The following CKM variants were observed in gnomAD, a reference collection of about 807,000 sequenced individuals.
The protein encoded by CKM is creatine kinase M-type.
Under a neutral mutation model 35.4 loss-of-function variants are expected in CKM, and 28 were observed. The ratio of observed to expected loss-of-function variants is 0.79; its 90% CI spans 0.59 to 1.08. CKM has a LOEUF of 1.08. Ranked by LOEUF, CKM falls within the 50% of genes least tolerant of loss-of-function variation. CKM has a pLI of 0.00. For missense variants in CKM, 484 were observed against 509.8 expected, an observed-to-expected ratio of 0.95 and a Z score of 0.49; for synonymous variants, 215 against 204.4, an observed-to-expected ratio of 1.05 and a Z score of -0.44.
intron 5 of CKM, among the ~76,000 whole-genome samples, chr19:45,311,402 T>C (rs1242110282): frequency 6.6e-6 from 1 of 151,908 alleles, no homozygotes; most frequent in Non-Finnish European, 1.5e-5. Flanking sequence ...CCCAGCTAAA[T>C]TTTTGTCATT....
intron 4 of CKM, among the ~76,000 whole-genome samples, chr19:45,314,858 T>A (rs1345945221): frequency 6.6e-6 from 1 of 152,102 alleles, no homozygotes; most frequent in Non-Finnish European, 1.5e-5. Flanking sequence ...ATGACAGGTG[T>A]GTGCCACCAC....
chr19:45,307,255 A>G (rs932551347), intron 7 of CKM, among the ~76,000 whole-genome samples: 1 of 152,210 alleles, frequency 6.6e-6, no homozygotes, highest in African/African-American at 2.4e-5. Context: ...TGTGCAATGC[A>G]TATTATATAA....
At chr19:45,313,750 G>A (rs1011840997) in intron 4 of CKM, among the ~76,000 whole-genome samples, 2 of 152,208 alleles carry the variant, frequency 1.3e-5, no homozygotes, top group African/African-American at 4.8e-5. Context: ...GGGTGGCTGA[G>A]ACACGAGAAT....
chr19:45,321,127 C>T (rs1971210323), intron 1 of CKM, among the ~76,000 whole-genome samples: 1 of 151,262 alleles, frequency 6.6e-6, no homozygotes, highest in Non-Finnish European at 1.5e-5. Context: ...TGGTCTTGAA[C>T]TCCTGAACTC....
intron 4 of CKM, among the ~76,000 whole-genome samples, chr19:45,313,885 G>T (rs1478822299): frequency 6.6e-6 from 1 of 152,038 alleles, no homozygotes; most frequent in Non-Finnish European, 1.5e-5. Flanking sequence ...TGCTGGCCAG[G>T]CACTGTGGCT....
At chr19:45,307,055 C>G in intron 7 of CKM, 127 bp from the exon 8 acceptor site, 1 of 876,634 alleles carries the variant, frequency 1.1e-6, no homozygotes, top group Non-Finnish European at 1.9e-6. Context: ...TACCTGCACA[C>G]AGGTAATGCC....
chr19:45,307,929 T>C (rs1247994762), intron 6 of CKM, among the ~76,000 whole-genome samples: 3 of 149,994 alleles, frequency 2.0e-5, no homozygotes, highest in Non-Finnish European at 4.4e-5. Context: ...AATGGCGTGA[T>C]CTCGTCTCAC....
Position 45,307,605 on chromosome 19 carries a change from G to T in CKM, c.823C>A (p.Gln275Lys). The change falls in exon 7 of 8, where the codon CAG (glutamine) becomes AAG (lysine). Residue 275 changes from glutamine (Q) to lysine (K), a missense_variant. Gln to Lys is a moderately conservative substitution (Grantham distance 53). Coordinates refer to ENST00000221476, the MANE Select transcript of CKM (RefSeq NM_001824.5). The stretch of plus-strand genomic sequence containing the variant: ...CAGGTGAGCACGTAGCCCAGGTGCT[G>T]GTTCCACATGAAGGGGTGGCCAGCT... Reference protein sequence around the residue: ...KKAGHPFMWNQHLGYVLTCPS... With the variant: ...KKAGHPFMWNKHLGYVLTCPS... 6.2e-7 allele frequency: 1 copy of T among 1,614,122 alleles called. No homozygotes were observed. Among genetic ancestry groups the T allele is most frequent in the Non-Finnish European group, 8.5e-7 (1 of 1,180,010 alleles).
At chr19:45,317,193 C>A (rs1234093840) in intron 3 of CKM, among the ~76,000 whole-genome samples, 2 of 151,866 alleles carry the variant, frequency 1.3e-5, no homozygotes, top group Non-Finnish European at 2.9e-5. Context: ...CTGCAGCCTC[C>A]ATCTCCTGGG....
At chr19:45,317,303 T>A (rs182786542) in intron 3 of CKM, among the ~76,000 whole-genome samples, 5 of 152,180 alleles carry the variant, frequency 3.3e-5, no homozygotes, top group East Asian at 1.9e-4. Flanking sequence ...TTATTTATTT[T>A]TTGAGACGAG....
rs1971072071 is a variant in CKM at position 45,308,132 on chromosome 19, A to T, written c.777+277T>A. On this transcript the variant is annotated intron_variant, in intron 6 of 7. Transcript: ENST00000221476. ...CTCCTCAGCCTCCCAAAGTGCTGGG[A>T]TTACAGGCGTGAGCCACCGCTCCCG... 2.6e-5 allele frequency among the ~76,000 whole-genome samples: 4 copies of T among 151,558 alleles called. No homozygotes were observed. The South Asian group carries it at 8.3e-4, about 31-fold the overall frequency.
Position 45,314,690 on chromosome 19 carries a change from G to T in CKM, c.481+775C>A, listed in dbSNP as rs1198961778. Among the ~76,000 whole-genome samples, 2 of 151,788 alleles carry T rather than the reference G, an allele frequency of 1.3e-5. 1 individual carries two copies. The highest frequency in any genetic ancestry group is 4.8e-5 in the African/African-American group (2 of 41,280). On this transcript the variant is annotated intron_variant, in intron 4 of 7. Coordinates refer to ENST00000221476, the MANE Select transcript of CKM (RefSeq NM_001824.5). Reference sequence around the variant, plus strand: ...CAGCTTCCCAAAATGCTGGGATTACGGTGTGAGCCACTGTGCCTGGCCTCT... The same window carrying T: ...CAGCTTCCCAAAATGCTGGGATTACTGTGTGAGCCACTGTGCCTGGCCTCT...
chr19:45,315,616 A>T lies in CKM; in HGVS notation c.349-19T>A. On this transcript the variant is annotated intron_variant, in intron 3 of 7. Transcript: ENST00000221476. ...CTCCACCCTGGAGAGCGGGTGGGAG[A>T]TCAGGACCAGGCAGATCCTCCGCCC... is the stretch of plus-strand genomic sequence containing the variant. The T allele has an allele frequency of 6.2e-7, 1 of 1,601,854 alleles. No homozygotes were observed. The highest frequency in any genetic ancestry group is 8.5e-7 in the Non-Finnish European group (1 of 1,179,816).
chr19:45,317,007 C>T (rs1215178222), intron 3 of CKM, among the ~76,000 whole-genome samples: 5 of 151,906 alleles, frequency 3.3e-5, no homozygotes, highest in Admixed American at 3.3e-4. Context: ...TTTCTACATG[C>T]TTTTGTGCCT....
chr19:45,313,341 C>T (rs371249400), intron 4 of CKM, among the ~76,000 whole-genome samples: 130 of 152,240 alleles, frequency 8.5e-4, no homozygotes, highest in African/African-American at 3.1e-3. Flanking sequence ...GTGCCACCGA[C>T]CTTGCCCATA....
intron 2 of CKM, 70 bp downstream of exon 2, chr19:45,319,451 G>A: frequency 7.8e-7 from 1 of 1,278,716 alleles, no homozygotes; most frequent in Non-Finnish European, 1.1e-6. Flanking sequence ...AGGGTGGTGG[G>A]ATTGGGGCAT....
chr19:45,307,606 G>C lies in CKM; in HGVS notation c.822C>G (p.Asn274Lys). 6.2e-7 allele frequency: 1 copy of C among 1,614,132 alleles called. No homozygotes were observed. Among genetic ancestry groups the C allele is most frequent in the East Asian group, 2.2e-5 (1 of 44,872 alleles). Residue 274 changes from asparagine to lysine, a missense_variant, in exon 7 of 8, where the codon AAC becomes AAG. Physicochemically the swap from Asn to Lys is moderately conservative, Grantham distance 94. Transcript: ENST00000221476. ...AGGTGAGCACGTAGCCCAGGTGCTG[G>C]TTCCACATGAAGGGGTGGCCAGCTT... ...FKKAGHPFMWNQHLGYVLTCP... is the reference protein window; with the variant it reads ...FKKAGHPFMWKQHLGYVLTCP...
At chr19:45,310,337 G>T (rs760716767) in intron 5 of CKM, among the ~76,000 whole-genome samples, 1 of 151,638 alleles carries the variant, frequency 6.6e-6, no homozygotes, top group South Asian at 2.1e-4. Flanking sequence ...AGCCAGGATG[G>T]TCTCGATCTC....
intron 1 of CKM, among the ~76,000 whole-genome samples, chr19:45,321,917 A>T (rs1260622644): frequency 6.6e-6 from 1 of 152,086 alleles, no homozygotes; most frequent in Non-Finnish European, 1.5e-5. Flanking sequence ...GAAGAGGAAC[A>T]GGGACCCGCC....
Sources: gnomAD v4.1 joint callset for allele counts (sites outside exome capture counted in the v4.1 genomes callset) on GRCh38, gnomAD v4.1.1 for gene constraint, MANE v1.5 for transcripts, NCBI Gene and HGNC (gene_info 2026-07-23, HGNC 2026-07-21) for gene names.